Variants in MAGI2 observed in about 807,000 individuals in gnomAD.
MAGI2 encodes the protein membrane-associated guanylate kinase, WW and PDZ domain-containing protein 2.
MAGI2 carries 35 observed loss-of-function variants against 133.3 expected under a neutral mutation model. The ratio of observed to expected loss-of-function variants is 0.26; its 90% confidence interval spans 0.20 to 0.35. The LOEUF is 0.35. Ranked by LOEUF, MAGI2 falls within the 10% of genes least tolerant of loss-of-function variation. The pLI is 1.00. For synonymous variants in MAGI2, 729 were observed against 710.6 expected, an observed-to-expected ratio of 1.03 and a Z score of -0.41; for missense variants, 1,636 against 1,863.4, an observed-to-expected ratio of 0.88 and a Z score of 2.25.
intron 10 of MAGI2, among the ~76,000 whole-genome samples, chr7:78,245,916 T>C (rs1463065975): frequency 1.3e-5 from 2 of 152,264 alleles, no homozygotes; most frequent in South Asian, 4.2e-4. Flanking sequence ...GGTTATGTCC[T>C]GCTCTCGGGG....
At chr7:79,310,913 T>A (rs1838228718) in intron 1 of MAGI2, among the ~76,000 whole-genome samples, 1 of 149,166 alleles carries the variant, frequency 6.7e-6, no homozygotes, top group Non-Finnish European at 1.5e-5. Flanking sequence ...TAAGAAGTAT[T>A]CCCATATTTC....
chr7:78,997,649 A>G (rs1001040739), intron 2 of MAGI2, among the ~76,000 whole-genome samples: 8 of 151,958 alleles, frequency 5.3e-5, no homozygotes, highest in African/African-American at 1.9e-4. Flanking sequence ...ATTTCTTAAA[A>G]CAGAATTGAC....
intron 2 of MAGI2, among the ~76,000 whole-genome samples, chr7:78,725,216 C>T (rs987454993): frequency 6.6e-6 from 1 of 151,934 alleles, no homozygotes; most frequent in African/African-American, 2.4e-5. Flanking sequence ...TTTTTAGGGC[C>T]CAAGTTACTA....
chr7:78,396,266 G>GA lies in MAGI2; in HGVS notation c.1046-27054dup, dbSNP rs1280931156. On this transcript the variant is annotated intron_variant, in intron 6 of 21. Transcript: ENST00000354212. ...AAAAATACCCTCCCATGTGATTCAG[G>GA]AAAAAAATCCAAATTCCACACAGAG... Among the ~76,000 whole-genome samples, 4 of 152,126 alleles carry GA rather than the reference G, an allele frequency of 2.6e-5. No individual in the cohort carries two copies. The East Asian group carries it at 5.8e-4, about 22-fold the overall frequency.
Position 78,620,781 on chromosome 7 carries a change from T to G in MAGI2, c.538+6339A>C, listed in dbSNP as rs117052470. 7.9e-5 allele frequency among the ~76,000 whole-genome samples: 12 copies of G among 152,134 alleles called. No homozygotes were observed. The East Asian group carries it at 2.3e-3, about 29-fold the overall frequency. ...CTTATGTCCACTTAAAGAAAACATT[T>G]AACTCTAGGATCAATGACCTTTTCA... On this transcript the variant is annotated intron_variant, in intron 3 of 21. Coordinates refer to ENST00000354212, the MANE Select transcript of MAGI2 (RefSeq NM_012301.4).
intron 1 of MAGI2, among the ~76,000 whole-genome samples, chr7:79,441,374 A>G (rs1261848361): frequency 2.0e-5 from 3 of 152,204 alleles, no homozygotes; most frequent in Admixed American, 1.3e-4. Flanking sequence ...AATTTCCCCA[A>G]TGATAAAAGG....
chr7:78,261,065 T>C (rs925102005), intron 9 of MAGI2, among the ~76,000 whole-genome samples: 1 of 152,084 alleles, frequency 6.6e-6, no homozygotes, highest in Non-Finnish European at 1.5e-5. Context: ...CACTTACCAC[T>C]CCCTGTCTGC....
chr7:78,508,353 C>G (rs1795271923), intron 4 of MAGI2, among the ~76,000 whole-genome samples: 1 of 152,156 alleles, frequency 6.6e-6, no homozygotes, highest in African/African-American at 2.4e-5. Context: ...TATTTAACAT[C>G]TCAAGGACTG....
rs1318518756 is a variant in MAGI2 at position 78,804,746 on chromosome 7, C to G, written c.419-177507G>C. Among the ~76,000 whole-genome samples the G allele has an allele frequency of 1.3e-3, 16 of 11,968 alleles. No homozygotes were observed. The Admixed American group carries it at 0.019, about 14-fold the overall frequency. The allele number at this position is 11,968 out of a possible 152,430, so 7.9% of individuals were successfully genotyped here. On this transcript the variant is annotated intron_variant, in intron 2 of 21. Transcript: ENST00000354212. Reference sequence around the variant, plus strand: ...CCTGGGCAACAGAGCGAGACTCTGTCTCAAAAAAAAAAAAAAAAAAAAAAA... The same window carrying G: ...CCTGGGCAACAGAGCGAGACTCTGTGTCAAAAAAAAAAAAAAAAAAAAAAA...
chr7:79,158,398 A>T (rs949435833), intron 1 of MAGI2, among the ~76,000 whole-genome samples: 11 of 152,142 alleles, frequency 7.2e-5, no homozygotes, highest in Admixed American at 3.3e-4. Flanking sequence ...TTCCAAGTTC[A>T]CGTGACTTAA....
chr7:79,247,143 C>T (rs895685075), intron 1 of MAGI2, among the ~76,000 whole-genome samples: 2 of 151,990 alleles, frequency 1.3e-5, no homozygotes, highest in African/African-American at 2.4e-5. Flanking sequence ...TACAAGAAAT[C>T]TAAAAGGAGT....
intron 3 of MAGI2, among the ~76,000 whole-genome samples, chr7:78,623,883 C>T (rs1365134574): frequency 6.6e-6 from 1 of 152,048 alleles, no homozygotes; most frequent in East Asian, 1.9e-4. Context: ...ACACTGCAGC[C>T]CTTGTAATAT....
chr7:78,779,561 T>A (rs1355431874), intron 2 of MAGI2, among the ~76,000 whole-genome samples: 2 of 152,122 alleles, frequency 1.3e-5, no homozygotes, highest in African/African-American at 4.8e-5. Context: ...GTTGAGAAAG[T>A]TTTGACTGAA....
chr7:78,990,413 C>T (rs118100880), intron 2 of MAGI2, among the ~76,000 whole-genome samples: 1 of 152,156 alleles, frequency 6.6e-6, no homozygotes, highest in East Asian at 1.9e-4. Context: ...TCTTACCACC[C>T]AATTCCCTGA....
chr7:78,793,911 G>T (rs1787383501), intron 2 of MAGI2, among the ~76,000 whole-genome samples: 1 of 152,108 alleles, frequency 6.6e-6, no homozygotes, highest in African/African-American at 2.4e-5. Context: ...ATCTCTTGGG[G>T]ACTCCTGTCT....
intron 3 of MAGI2, among the ~76,000 whole-genome samples, chr7:78,581,870 A>T (rs1802872694): frequency 6.6e-6 from 1 of 152,130 alleles, no homozygotes; most frequent in Non-Finnish European, 1.5e-5. Context: ...ATAAACTAGG[A>T]GGAACTTAGT....
chr7:78,970,780 A>T (rs975534385), intron 2 of MAGI2, among the ~76,000 whole-genome samples: 1 of 152,100 alleles, frequency 6.6e-6, no homozygotes, highest in Non-Finnish European at 1.5e-5. Context: ...ACTAATGGTT[A>T]GCAAAGGATA....
intron 1 of MAGI2, among the ~76,000 whole-genome samples, chr7:79,350,868 T>C (rs1446053312): frequency 6.6e-6 from 1 of 152,108 alleles, no homozygotes; most frequent in East Asian, 1.9e-4. Flanking sequence ...CTCAAAAGCA[T>C]CTGGAAATGA....
chr7:78,269,595 C>A (rs1437997082), intron 9 of MAGI2, among the ~76,000 whole-genome samples: 1 of 152,066 alleles, frequency 6.6e-6, no homozygotes, highest in Non-Finnish European at 1.5e-5. Flanking sequence ...TGAGAAGTGG[C>A]TATTCATATC....
Sources: gnomAD v4.1 joint callset for allele counts (sites outside exome capture counted in the v4.1 genomes callset) on GRCh38, gnomAD v4.1.1 for gene constraint, MANE v1.5 for transcripts, NCBI Gene and HGNC (gene_info 2026-07-23, HGNC 2026-07-21) for gene names.